ARK2C: variants seen among roughly 807,000 people sequenced by gnomAD.
The protein encoded by ARK2C is arkadia (RNF111) C-terminal like ring finger ubiquitin ligase 2C.
the ARK2C span, among the ~76,000 whole-genome samples, chr18:46,376,948 G>A: frequency 3.3e-5 from 5 of 152,160 alleles, no homozygotes; most frequent in African/African-American, 1.2e-4. Flanking sequence ...GATTACAGGC[G>A]TAAGCCACAG....
chr18:46,416,896 A>C, the ARK2C span, among the ~76,000 whole-genome samples: 2 of 152,224 alleles, frequency 1.3e-5, no homozygotes, highest in African/African-American at 4.8e-5. Flanking sequence ...TATTGGCCTA[A>C]GCCAGTCACG....
chr18:46,375,089 C>T, the ARK2C span, among the ~76,000 whole-genome samples: 1 of 152,320 alleles, frequency 6.6e-6, no homozygotes, highest in South Asian at 2.1e-4. Flanking sequence ...ACAAACCTCA[C>T]CCAGGCAGGC....
chr18:46,454,248 C>CA, the ARK2C span, among the ~76,000 whole-genome samples: 20 of 149,654 alleles, frequency 1.3e-4, no homozygotes, highest in Admixed American at 3.3e-4. Flanking sequence ...ATAATGATGG[C>CA]AAAAAAATAG....
At chr18:46,398,145 G>C in the ARK2C span, among the ~76,000 whole-genome samples, 1 of 148,370 alleles carries the variant, frequency 6.7e-6, no homozygotes, top group Non-Finnish European at 1.5e-5. Flanking sequence ...GTGTGTGTGT[G>C]GCCATGCAGA....
chr18:46,349,816 A>G, the ARK2C span, among the ~76,000 whole-genome samples: 4 of 152,092 alleles, frequency 2.6e-5, no homozygotes, highest in African/African-American at 9.7e-5. Flanking sequence ...CACGCTGCAC[A>G]CGATCCACCC....
chr18:46,433,124 A>C, the ARK2C span: 1 of 1,309,274 alleles, frequency 7.6e-7, no homozygotes, highest in Non-Finnish European at 1.0e-6. Context: ...CCGGGTGGGC[A>C]CAAGGGTCAG....
At chr18:46,431,435 G>T in the ARK2C span, among the ~76,000 whole-genome samples, 7 of 152,114 alleles carry the variant, frequency 4.6e-5, no homozygotes, top group East Asian at 7.7e-4. Context: ...TTTATCAGGG[G>T]TGCTCTCAAC....
chr18:46,450,696 C>T, the ARK2C span: 4 of 1,612,082 alleles, frequency 2.5e-6, no homozygotes, highest in Admixed American at 5.0e-5. Context: ...ACATTTTTCT[C>T]TTTCCAGGAG....
the ARK2C span, among the ~76,000 whole-genome samples, chr18:46,380,802 C>T: frequency 6.6e-6 from 1 of 152,210 alleles, no homozygotes; most frequent in African/African-American, 2.4e-5. Flanking sequence ...GCTCCCCCAA[C>T]CCCCGGGGCT....
chr18:46,447,686 A>C, the ARK2C span: 2 of 1,613,972 alleles, frequency 1.2e-6, no homozygotes, highest in East Asian at 2.2e-5. Flanking sequence ...CCTCCTCCAC[A>C]CAGATGGTAA....
the ARK2C span, among the ~76,000 whole-genome samples, chr18:46,339,160 TTTC>T: frequency 1.3e-5 from 2 of 152,194 alleles, no homozygotes; most frequent in South Asian, 2.1e-4. Context: ...TTTGTTTCGT[TTTC>T]TTCTTTTTAA....
chr18:46,367,774 G>A, the ARK2C span, among the ~76,000 whole-genome samples: 1 of 152,232 alleles, frequency 6.6e-6, no homozygotes, highest in Non-Finnish European at 1.5e-5. Flanking sequence ...TGTTAGGTTA[G>A]AGGTATGGCT....
the ARK2C span, among the ~76,000 whole-genome samples, chr18:46,341,206 G>A: frequency 2.3e-4 from 35 of 151,680 alleles, no homozygotes; most frequent in African/African-American, 7.5e-4. Context: ...AAGGCCTCTG[G>A]AGAGTTTGGA....
At chr18:46,442,056 G>T in the ARK2C span, among the ~76,000 whole-genome samples, 1 of 150,848 alleles carries the variant, frequency 6.6e-6, no homozygotes, top group African/African-American at 2.4e-5. Flanking sequence ...CCAGCTACTC[G>T]GGAGGCTGAG....
At chr18:46,429,127 A>G in the ARK2C span, among the ~76,000 whole-genome samples, 1 of 152,202 alleles carries the variant, frequency 6.6e-6, no homozygotes, top group Non-Finnish European at 1.5e-5. Context: ...GCCAGAATCT[A>G]TAAGGCAGAG....
At chr18:46,353,905 C>T in the ARK2C span, among the ~76,000 whole-genome samples, 1 of 152,144 alleles carries the variant, frequency 6.6e-6, no homozygotes. Context: ...CTCCCATTCA[C>T]CAAGACCCAG....
At chr18:46,420,879 G>A in the ARK2C span, among the ~76,000 whole-genome samples, 1 of 152,112 alleles carries the variant, frequency 6.6e-6, no homozygotes, top group Non-Finnish European at 1.5e-5. Flanking sequence ...TTGGGGTTTG[G>A]AGATTTGCTT....
the ARK2C span, among the ~76,000 whole-genome samples, chr18:46,403,965 CAT>C: frequency 3.3e-5 from 5 of 152,168 alleles, no homozygotes; most frequent in African/African-American, 7.2e-5. Flanking sequence ...CATAGAAGCT[CAT>C]TCTTTAGGGG....
the ARK2C span, among the ~76,000 whole-genome samples, chr18:46,434,193 C>T: frequency 3.3e-5 from 5 of 152,296 alleles, no homozygotes; most frequent in African/African-American, 1.2e-4. Flanking sequence ...GTCAGTGGAT[C>T]TCAAACTTTT....
Sources: allele counts gnomAD v4.1 joint callset (sites outside exome capture counted in the v4.1 genomes callset), GRCh38; gene constraint gnomAD v4.1.1; transcripts MANE v1.5; gene names NCBI Gene and HGNC (gene_info 2026-07-23, HGNC 2026-07-21).